CADPS2: variants seen among roughly 807,000 people sequenced by gnomAD.
CADPS2 encodes the protein calcium dependent secretion activator 2.
CADPS2 carries 93 observed loss-of-function variants against 172.5 expected under a neutral mutation model. The ratio of observed to expected loss-of-function variants is 0.54; its 90% CI spans 0.46 to 0.64. CADPS2 has a LOEUF of 0.64. Ranked by LOEUF, CADPS2 falls within the 30% of genes least tolerant of loss-of-function variation. The pLI, the probability that CADPS2 is intolerant of heterozygous loss-of-function variation, is 0.00. For synonymous variants in CADPS2, 546 were observed against 555.2 expected (o/e 0.98, Z 0.23); for missense variants, 1,420 against 1,565.9 (o/e 0.91, Z 1.57).
intron 1 of CADPS2, among the ~76,000 whole-genome samples, chr7:122,762,640 C>T (rs1318074591): frequency 6.6e-6 from 1 of 152,064 alleles, no homozygotes; most frequent in African/African-American, 2.4e-5. Flanking sequence ...TCCCATGCAC[C>T]TCTCTCAAGA....
At chr7:122,623,646 C>A (rs2075811003) in intron 4 of CADPS2, among the ~76,000 whole-genome samples, 1 of 152,128 alleles carries the variant, frequency 6.6e-6, no homozygotes, top group South Asian at 2.1e-4. Context: ...ATTAATCTTA[C>A]CTTAGTAATG....
intron 1 of CADPS2, among the ~76,000 whole-genome samples, chr7:122,828,569 A>G (rs1389243927): frequency 6.6e-6 from 1 of 152,188 alleles, no homozygotes; most frequent in Non-Finnish European, 1.5e-5. Flanking sequence ...AATCAAATAT[A>G]ATTTATAAAA....
chr7:122,540,391 T>A (rs901524603), intron 8 of CADPS2, among the ~76,000 whole-genome samples: 1 of 152,078 alleles, frequency 6.6e-6, no homozygotes, highest in African/African-American at 2.4e-5. Flanking sequence ...AAAAATTAAA[T>A]GGTATCAAAT....
intron 27 of CADPS2, among the ~76,000 whole-genome samples, chr7:122,356,010 CTAT>C (rs1475716979): frequency 1.3e-5 from 2 of 152,134 alleles, no homozygotes; most frequent in African/African-American, 4.8e-5. Flanking sequence ...CCAATTTCCC[CTAT>C]TATTATCATC....
intron 15 of CADPS2, among the ~76,000 whole-genome samples, chr7:122,447,010 C>A (rs1240050197): frequency 1.4e-5 from 2 of 139,824 alleles, no homozygotes; most frequent in Non-Finnish European, 1.5e-5. Context: ...GCTGCTCCAT[C>A]TTGGACATAA....
chr7:122,790,107 T>C (rs1212737401), intron 1 of CADPS2, among the ~76,000 whole-genome samples: 1 of 130,180 alleles, frequency 7.7e-6, no homozygotes, highest in East Asian at 2.2e-4. Flanking sequence ...GAATTAAAAA[T>C]AGAAAAAGGC....
chr7:122,662,854 A>G (rs1333465805), intron 3 of CADPS2, among the ~76,000 whole-genome samples: 1 of 152,200 alleles, frequency 6.6e-6, no homozygotes, highest in Admixed American at 6.5e-5. Context: ...CCAGCATCAT[A>G]TCTTTATAAA....
In CADPS2 at chr7:122,886,389, C is replaced by T; in HGVS notation, c.-52G>A. The T allele has an allele frequency of 2.7e-6, 4 of 1,462,820 alleles. No individual in the cohort carries two copies. The highest frequency in any genetic ancestry group is 3.0e-5 in the African/African-American group (2 of 67,190). The allele number at this position is 1,462,820 out of a possible 1,614,324, so 90.6% of individuals were successfully genotyped here. ...CCCGCGGTCCCCAAGCGCCTCACCCCCGGCGGCTGCGCCCGCGGGTCTGAG... is the reference window on the plus strand; with the variant it reads ...CCCGCGGTCCCCAAGCGCCTCACCCTCGGCGGCTGCGCCCGCGGGTCTGAG... On this transcript the variant is annotated 5_prime_UTR_variant, in exon 1 of 30. Transcript: ENST00000449022.
At chr7:122,480,820 C>A in intron 12 of CADPS2, 32 bp downstream of exon 12, 1 of 1,456,714 alleles carries the variant, frequency 6.9e-7, no homozygotes, top group South Asian at 1.3e-5. Flanking sequence ...TTTTTTAAAA[C>A]ATCTAATTTT....
chr7:122,702,376 A>C, intron 2 of CADPS2: 2 of 1,613,668 alleles, frequency 1.2e-6, no homozygotes, highest in Non-Finnish European at 1.7e-6. Context: ...TGATCACCCC[A>C]TTTGCTCCCT....
At chr7:122,357,958 G>A (rs1350321669) in intron 27 of CADPS2, among the ~76,000 whole-genome samples, 1 of 152,110 alleles carries the variant, frequency 6.6e-6, no homozygotes, top group African/African-American at 2.4e-5. Flanking sequence ...AGATTTTGGG[G>A]TGGACATATG....
intron 14 of CADPS2, among the ~76,000 whole-genome samples, chr7:122,468,083 G>A (rs1356565967): frequency 1.3e-5 from 2 of 152,096 alleles, no homozygotes; most frequent in Admixed American, 6.5e-5. Context: ...AACACACCTA[G>A]AGAGCTCAAC....
At chr7:122,841,451 T>G (rs973270583) in intron 1 of CADPS2, among the ~76,000 whole-genome samples, 4 of 152,180 alleles carry the variant, frequency 2.6e-5, no homozygotes, top group African/African-American at 9.6e-5. Flanking sequence ...GAAAAATAAT[T>G]AGGGATCACC....
At chr7:122,752,169 AATTT>A (rs1321472921) in intron 1 of CADPS2, among the ~76,000 whole-genome samples, 3 of 152,204 alleles carry the variant, frequency 2.0e-5, no homozygotes, top group African/African-American at 7.2e-5. Context: ...AGTAGATCTG[AATTT>A]TTTTCATACT....
At chr7:122,417,972 C>G (rs1344162722) in intron 17 of CADPS2, among the ~76,000 whole-genome samples, 2 of 152,078 alleles carry the variant, frequency 1.3e-5, no homozygotes, top group Non-Finnish European at 2.9e-5. Flanking sequence ...GAGTTCGAAA[C>G]CAGCCTGGCC....
At chr7:122,754,750 C>G (rs1241429277) in intron 1 of CADPS2, among the ~76,000 whole-genome samples, 1 of 152,224 alleles carries the variant, frequency 6.6e-6, no homozygotes, top group Non-Finnish European at 1.5e-5. Flanking sequence ...GCTGGGATTA[C>G]TGGCATAAGC....
In CADPS2 at chr7:122,708,746, A is replaced by G. The variant is rs529977987; in HGVS notation, c.453+28209T>C. The stretch of plus-strand genomic sequence containing the variant: ...AGTCATGGTCTACATAACTTTAACA[A>G]TAAATTGAAAACAATTTTTTCCTTA... On this transcript the variant is annotated intron_variant, in intron 2 of 29. Transcript: ENST00000449022. Among the ~76,000 whole-genome samples the G allele has an allele frequency of 5.3e-5, 8 of 151,872 alleles. No individual in the cohort carries two copies. The South Asian group carries it at 1.5e-3, about 28-fold the overall frequency.
intron 28 of CADPS2, among the ~76,000 whole-genome samples, chr7:122,331,516 G>A (rs967975723): frequency 3.3e-5 from 5 of 152,170 alleles, no homozygotes; most frequent in Non-Finnish European, 1.5e-5. Flanking sequence ...ACGTGTGCCT[G>A]TAATCCCAGC....
intron 2 of CADPS2, 65 bp downstream of exon 2, chr7:122,736,890 A>G (rs1472866835): frequency 1.4e-5 from 12 of 837,680 alleles, no homozygotes; most frequent in Non-Finnish European, 2.2e-5. Flanking sequence ...TGAGAAACCC[A>G]TAAAAATAAT....
Sources: gnomAD v4.1 joint callset for allele counts (sites outside exome capture counted in the v4.1 genomes callset) on GRCh38, gnomAD v4.1.1 for gene constraint, MANE v1.5 for transcripts, NCBI Gene and HGNC (gene_info 2026-07-23, HGNC 2026-07-21) for gene names.